ELL: variants seen among roughly 807,000 people sequenced by gnomAD.
ELL encodes elongation factor for RNA polymerase II, also known as RNA polymerase II elongation factor ELL.
In ELL, 18 loss-of-function variants were observed where a neutral mutation model predicts 64.0. The observed-to-expected ratio is 0.28, with a 90% CI of 0.19 to 0.42. The LOEUF (loss-of-function observed/expected upper bound fraction) is 0.42, where lower values mean the gene tolerates loss of function less well. Ranked by LOEUF, ELL falls within the 10% of genes least tolerant of loss-of-function variation. The pLI, the probability that ELL is intolerant of heterozygous loss-of-function variation, is 1.00. For missense variants in ELL, 797 were observed against 870.4 expected (o/e 0.92, Z 1.06); for synonymous variants, 399 against 376.2 (o/e 1.06, Z -0.70).
chr19:18,461,368 G>T (rs1974810380), intron 5 of ELL, among the ~76,000 whole-genome samples: 1 of 152,234 alleles, frequency 6.6e-6, no homozygotes, highest in South Asian at 2.1e-4. Context: ...GACAGTCGGG[G>T]CCATGCCCAG....
chr19:18,492,084 C>T (rs1474915139), intron 1 of ELL, among the ~76,000 whole-genome samples: 2 of 152,156 alleles, frequency 1.3e-5, no homozygotes, highest in Admixed American at 6.5e-5. Flanking sequence ...TTGTCCCAGG[C>T]TGGCTTTTTG....
At chr19:18,489,763 T>G (rs1975488822) in intron 1 of ELL, among the ~76,000 whole-genome samples, 1 of 152,142 alleles carries the variant, frequency 6.6e-6, no homozygotes, top group Non-Finnish European at 1.5e-5. Context: ...AGAGAGGCTT[T>G]CCAACTGTGA....
chr19:18,484,211 C>T (rs1027232980), intron 1 of ELL, among the ~76,000 whole-genome samples: 1 of 152,220 alleles, frequency 6.6e-6, no homozygotes, highest in East Asian at 1.9e-4. Context: ...CGCCTGTAAT[C>T]CCAGCACTTT....
intron 1 of ELL, among the ~76,000 whole-genome samples, chr19:18,488,734 T>C (rs1334445494): frequency 6.6e-6 from 1 of 152,006 alleles, no homozygotes; most frequent in African/African-American, 2.4e-5. Context: ...GGGCCAACTT[T>C]AAGCAAAGGA....
intron 1 of ELL, among the ~76,000 whole-genome samples, chr19:18,495,668 G>A (rs533978782): frequency 1.6e-4 from 24 of 152,320 alleles, no homozygotes; most frequent in African/African-American, 5.3e-4. Context: ...AGAAGAGGAG[G>A]AGCCACAAGC....
chr19:18,495,628 T>G (rs1975634008), intron 1 of ELL, among the ~76,000 whole-genome samples: 1 of 151,996 alleles, frequency 6.6e-6, no homozygotes, highest in Non-Finnish European at 1.5e-5. Flanking sequence ...GTAGGCAGAG[T>G]GACAGGCGGC....
At chr19:18,476,121 C>T (rs1334531456) in intron 1 of ELL, among the ~76,000 whole-genome samples, 3 of 152,190 alleles carry the variant, frequency 2.0e-5, no homozygotes, top group Non-Finnish European at 4.4e-5. Flanking sequence ...GAGCACACGA[C>T]CAAGGCCAGG....
intron 1 of ELL, among the ~76,000 whole-genome samples, chr19:18,480,945 T>C (rs1173051416): frequency 6.6e-6 from 1 of 152,192 alleles, no homozygotes; most frequent in South Asian, 2.1e-4. Flanking sequence ...GCAGCAGATA[T>C]TTCTATCTGC....
intron 6 of ELL, among the ~76,000 whole-genome samples, chr19:18,452,898 ACAAACGTCAGACCT>A (rs1408172193): frequency 2.0e-5 from 3 of 152,270 alleles, no homozygotes; most frequent in African/African-American, 4.8e-5. Flanking sequence ...CTTCCAGGCA[ACAAACGTCAGACCT>A]CAAAACAGAG....
At chr19:18,495,265 G>A (rs1054176886) in intron 1 of ELL, among the ~76,000 whole-genome samples, 1 of 152,140 alleles carries the variant, frequency 6.6e-6, no homozygotes, top group African/African-American at 2.4e-5. Flanking sequence ...GTGGAGGAGT[G>A]GGGAGGGTCA....
intron 1 of ELL, among the ~76,000 whole-genome samples, chr19:18,515,993 G>T (rs1463813971): frequency 1.3e-5 from 2 of 152,154 alleles, no homozygotes; most frequent in Non-Finnish European, 2.9e-5. Context: ...GGGCCAACAG[G>T]GGCAGCACTA....
chr19:18,451,663 CAGGGCT>C lies in ELL; in HGVS notation c.870-21_870-16del. On this transcript the variant is annotated splice_polypyrimidine_tract_variant and intron_variant, in intron 6 of 11. Coordinates refer to ENST00000262809, the MANE Select transcript of ELL (RefSeq NM_006532.4). ...GGCACAGCTTCCTGCGAAGGAGAGG[CAGGGCT>C]AGGTCAGAAGGTGCTGAGGGGGCCT... 6.7e-7 allele frequency: 1 copy of C among 1,488,718 alleles called. No individual in the cohort carries two copies. 92.2% of individuals were successfully genotyped at this position (1,488,718 alleles called of 1,614,324 possible).
rs143171020 is a variant in ELL, at chr19:18,467,308, C to A, written c.184-1390G>T. On this transcript the variant is annotated intron_variant, in intron 2 of 11. Transcript: ENST00000262809. ...CTGAACACTGCCCCAGGAAAAAAGC[C>A]GTCCCATCTGCTGGGGTCTGCCCAG... Among the ~76,000 whole-genome samples, 931 of 152,192 alleles carry A rather than the reference C, an allele frequency of 6.1e-3. 8 individuals are homozygous for A. Among genetic ancestry groups the A allele is most frequent in the Admixed American group, 0.03 (460 of 15,292 alleles).
At position 18,443,033 on chromosome 19, in the gene ELL, T is replaced by G. The variant is rs1041446560; in HGVS notation, c.*1719A>C. On this transcript the variant is annotated 3_prime_UTR_variant, in exon 12 of 12. Coordinates refer to ENST00000262809, the MANE Select transcript of ELL (RefSeq NM_006532.4). ...ACAACAACAAAAAGGCAAATTCAACTGACAGCCCCTTGGACTGGTTCCCAG... is the reference window on the plus strand; with the variant it reads ...ACAACAACAAAAAGGCAAATTCAACGGACAGCCCCTTGGACTGGTTCCCAG... The G allele has an allele frequency of 1.7e-5, 4 of 232,214 alleles. No individual in the cohort carries two copies. The highest frequency in any genetic ancestry group is 1.7e-4 in the Admixed American group (3 of 17,742). 14.4% of individuals were successfully genotyped at this position (232,214 alleles called of 1,614,324 possible). A position where few individuals can be genotyped will look rare whatever the true frequency, so the allele number is the denominator to read the frequency against.
chr19:18,520,314 G>A (rs1010827507), intron 1 of ELL, among the ~76,000 whole-genome samples: 2 of 152,102 alleles, frequency 1.3e-5, no homozygotes, highest in Non-Finnish European at 2.9e-5. Flanking sequence ...GGACAAGTCA[G>A]AATCGCTCAG....
intron 1 of ELL, among the ~76,000 whole-genome samples, chr19:18,502,773 A>C (rs1975807773): frequency 6.6e-6 from 1 of 152,240 alleles, no homozygotes; most frequent in South Asian, 2.1e-4. Context: ...GTGTTCTGCA[A>C]AGAAACCCAA....
intron 1 of ELL, among the ~76,000 whole-genome samples, chr19:18,475,280 T>TA (rs1975153090): frequency 6.6e-6 from 1 of 151,882 alleles, no homozygotes; most frequent in Non-Finnish European, 1.5e-5. Flanking sequence ...AAAAATATTT[T>TA]AAAAAATAAA....
rs1455298338 is a variant in ELL at position 18,444,679 on chromosome 19, T to G, written c.*73A>C. 6.9e-7 allele frequency: 1 copy of G among 1,458,266 alleles called. No homozygotes were observed. Among genetic ancestry groups the G allele is most frequent in the Non-Finnish European group, 9.2e-7 (1 of 1,083,232 alleles). 90.3% of individuals were successfully genotyped at this position (1,458,266 alleles called of 1,614,324 possible). A position where few individuals can be genotyped will look rare whatever the true frequency, so the allele number is the denominator to read the frequency against. ...GATGAGCATCTTCCTCGGGTTTATTTTTTTAAATAAATCCTCTCTCACCGC... is the reference window on the plus strand; with the variant it reads ...GATGAGCATCTTCCTCGGGTTTATTGTTTTAAATAAATCCTCTCTCACCGC... On this transcript the variant is annotated 3_prime_UTR_variant, in exon 12 of 12. Coordinates refer to ENST00000262809, the MANE Select transcript of ELL (RefSeq NM_006532.4).
chr19:18,507,921 C>T (rs1416198840), intron 1 of ELL, among the ~76,000 whole-genome samples: 1 of 152,220 alleles, frequency 6.6e-6, no homozygotes, highest in African/African-American at 2.4e-5. Context: ...CAGGCTGAGG[C>T]TGACTCCATG....
Sources: allele counts gnomAD v4.1 joint callset (sites outside exome capture counted in the v4.1 genomes callset), GRCh38; gene constraint gnomAD v4.1.1; transcripts MANE v1.5; gene names NCBI Gene and HGNC (gene_info 2026-07-23, HGNC 2026-07-21).